The following TJP1 variants were observed in gnomAD, a reference collection of about 807,000 sequenced individuals.
TJP1 encodes tight junction protein ZO-1.
Under a neutral mutation model 194.2 loss-of-function variants are expected in TJP1, and 43 were observed. The observed-to-expected ratio is 0.22, with a 90% CI of 0.17 to 0.29. TJP1 has a LOEUF of 0.29. Ranked by LOEUF, TJP1 falls within the 10% of genes least tolerant of loss-of-function variation. TJP1 has a pLI of 1.00. For synonymous variants in TJP1, 801 were observed against 779.0 expected (o/e 1.03, Z -0.47); for missense variants, 1,971 against 2,185.7 (o/e 0.90, Z 1.96).
intron 2 of TJP1, among the ~76,000 whole-genome samples, chr15:29,948,129 G>C (rs186482108): frequency 6.6e-6 from 1 of 152,072 alleles, no homozygotes; most frequent in Non-Finnish European, 1.5e-5. Context: ...GCTGGGCATG[G>C]TGGTGCCCGC....
At chr15:29,936,356 GCTC>G (rs1372874956) in intron 2 of TJP1, among the ~76,000 whole-genome samples, 1 of 152,142 alleles carries the variant, frequency 6.6e-6, no homozygotes, top group Admixed American at 6.5e-5. Flanking sequence ...TCATCATCTA[GCTC>G]CTCTATGTTG....
At position 29,840,628 on chromosome 15, in the gene TJP1, C is replaced by G. The variant is rs945467050; in HGVS notation, c.307-39926G>C. On this transcript the variant is annotated intron_variant, in intron 2 of 28. Coordinates refer to the TJP1 transcript ENST00000356107. The stretch of plus-strand genomic sequence containing the variant: ...CTGCCCACAACACTGCCCCAGGACA[C>G]GCCTCCTGAGGCCAGGCAGCCTCCA... Among the ~76,000 whole-genome samples the G allele has an allele frequency of 1.6e-4, 25 of 152,156 alleles. 1 individual carries two copies. Among genetic ancestry groups the G allele is most frequent in the African/African-American group, 6.0e-4 (25 of 41,444 alleles).
At chr15:29,831,037 A>G (rs1340018838) in intron 2 of TJP1, among the ~76,000 whole-genome samples, 2 of 152,194 alleles carry the variant, frequency 1.3e-5, no homozygotes, top group Non-Finnish European at 2.9e-5. Context: ...TTAATTCACA[A>G]TAACAAAAAA....
At chr15:29,866,898 C>T (rs1260020780) in intron 2 of TJP1, among the ~76,000 whole-genome samples, 3 of 152,126 alleles carry the variant, frequency 2.0e-5, no homozygotes, top group Non-Finnish European at 4.4e-5. Flanking sequence ...GGGATGGCCC[C>T]CAGCACACAA....
intron 1 of TJP1, among the ~76,000 whole-genome samples, chr15:29,808,533 T>C (rs2049267768): frequency 1.3e-5 from 2 of 152,188 alleles, no homozygotes; most frequent in African/African-American, 4.8e-5. Context: ...CTGTAAGTAA[T>C]TTGACTGCAA....
At chr15:29,803,129 G>A (rs924990690) in intron 1 of TJP1, among the ~76,000 whole-genome samples, 1 of 152,110 alleles carries the variant, frequency 6.6e-6, no homozygotes, top group Non-Finnish European at 1.5e-5. Context: ...AAAGTAAAGG[G>A]ACTGTGGGTG....
chr15:29,834,865 G>C (rs535721014), intron 2 of TJP1, among the ~76,000 whole-genome samples: 1 of 152,178 alleles, frequency 6.6e-6, no homozygotes, highest in South Asian at 2.1e-4. Context: ...TTCTGAAAAG[G>C]CAACACAAAG....
In TJP1 at chr15:29,708,661, G is replaced by T. The variant is rs749943900; in HGVS notation, c.4748C>A (p.Pro1583His). Residue 1583 changes from proline to histidine, a missense_variant, in exon 25 of 28, where the codon CCT becomes CAT. Pro to His is a moderately conservative substitution (Grantham distance 77, BLOSUM62 -2). Transcript: ENST00000614355. ...TLVKSHSLAQPPEFDSGVETF... is the reference protein window; with the variant it reads ...TLVKSHSLAQHPEFDSGVETF... ...TTCAACTCCACTGTCAAACTCAGGAGGCTGTGCCAAACTGTGCGATTTCAC... is the reference window on the plus strand; with the variant it reads ...TTCAACTCCACTGTCAAACTCAGGATGCTGTGCCAAACTGTGCGATTTCAC... The T allele has an allele frequency of 1.2e-6, 2 of 1,614,104 alleles. No individual in the cohort carries two copies. Among genetic ancestry groups the T allele is most frequent in the South Asian group, 2.2e-5 (2 of 91,082 alleles).
At chr15:29,849,530 G>A (rs2051555569) in intron 2 of TJP1, among the ~76,000 whole-genome samples, 1 of 151,630 alleles carries the variant, frequency 6.6e-6, no homozygotes, top group African/African-American at 2.4e-5. Flanking sequence ...CCTGAGGTCA[G>A]CAATTTGATA....
At position 29,701,078 on chromosome 15, in the gene TJP1, C is replaced by T. The variant is rs904151584; in HGVS notation, c.*517G>A. ...TAAGTCATTGTCTTCACTTCACCCT[C>T]CCCCAGTTGTAAATCTCCTTGCTGT... is the stretch of plus-strand genomic sequence containing the variant. On this transcript the variant is annotated 3_prime_UTR_variant, in exon 28 of 28. Transcript: ENST00000614355. 6.5e-6 allele frequency: 1 copy of T among 153,580 alleles called. No homozygotes were observed. The highest frequency in any genetic ancestry group is 1.5e-5 in the Non-Finnish European group (1 of 68,676). The allele number at this position is 153,580 out of a possible 1,614,324, so 9.5% of individuals were successfully genotyped here. A position where few individuals can be genotyped will look rare whatever the true frequency, so the allele number is the denominator to read the frequency against.
intron 2 of TJP1, among the ~76,000 whole-genome samples, chr15:29,900,947 A>G (rs997474689): frequency 6.6e-6 from 1 of 152,176 alleles, no homozygotes; most frequent in Admixed American, 6.5e-5. Flanking sequence ...AGGGAAGGGA[A>G]TGATTGACTC....
intron 2 of TJP1, among the ~76,000 whole-genome samples, chr15:29,950,497 A>G (rs1007274524): frequency 1.3e-5 from 2 of 152,078 alleles, no homozygotes; most frequent in African/African-American, 4.8e-5. Context: ...CACTACCACT[A>G]CTTCTACCAC....
At chr15:29,764,457 T>A (rs948481554) in intron 5 of TJP1, among the ~76,000 whole-genome samples, 3 of 152,176 alleles carry the variant, frequency 2.0e-5, no homozygotes, top group African/African-American at 7.2e-5. Flanking sequence ...GACAGAAGTG[T>A]CACAGAGGAT....
In TJP1 at chr15:29,722,815, G is replaced by A. The variant is rs185210297; in HGVS notation, c.2413-2107C>T. On this transcript the variant is annotated intron_variant, in intron 18 of 27. Coordinates refer to ENST00000614355, the MANE Select transcript of TJP1 (RefSeq NM_001330239.4). ...GGCTACAGGGGCAGAGCTGTCCAAGGCCTTGGTAGCTCACCCCTTGCATCA... is the reference window on the plus strand; with the variant it reads ...GGCTACAGGGGCAGAGCTGTCCAAGACCTTGGTAGCTCACCCCTTGCATCA... 1.7e-3 allele frequency among the ~76,000 whole-genome samples: 262 copies of A among 152,322 alleles called. 1 individual carries two copies. The highest frequency in any genetic ancestry group is 6.0e-3 in the African/African-American group (248 of 41,576).
intron 2 of TJP1, among the ~76,000 whole-genome samples, chr15:29,890,356 A>G (rs893773948): frequency 3.9e-5 from 6 of 152,254 alleles, no homozygotes; most frequent in African/African-American, 1.4e-4. Flanking sequence ...TTAACTCTTC[A>G]TGCCACCAGT....
intron 23 of TJP1, among the ~76,000 whole-genome samples, chr15:29,715,289 G>C (rs2042494411): frequency 1.3e-5 from 2 of 152,150 alleles, no homozygotes; most frequent in South Asian, 4.1e-4. Flanking sequence ...CACAACACTA[G>C]TACAAGACAC....
chr15:29,821,751 T>G (rs1354033106), intron 1 of TJP1, among the ~76,000 whole-genome samples: 2 of 151,340 alleles, frequency 1.3e-5, no homozygotes, highest in Non-Finnish European at 2.9e-5. Flanking sequence ...GCTATGCACC[T>G]GCCCAGTACG....
At chr15:29,949,404 C>A (rs375332815) in intron 2 of TJP1, among the ~76,000 whole-genome samples, 2,283 of 117,414 alleles carry the variant, frequency 0.019, no homozygotes, top group East Asian at 0.076. Flanking sequence ...ACCACCTCCA[C>A]AACCACCACC....
intron 8 of TJP1, among the ~76,000 whole-genome samples, chr15:29,755,656 C>G (rs1302585664): frequency 6.6e-6 from 1 of 152,208 alleles, no homozygotes; most frequent in Non-Finnish European, 1.5e-5. Context: ...TTTCTCAGAA[C>G]TAACCATTTT....
Sources: gnomAD v4.1 joint callset for allele counts (sites outside exome capture counted in the v4.1 genomes callset) on GRCh38, gnomAD v4.1.1 for gene constraint, MANE v1.5 for transcripts, NCBI Gene and HGNC (gene_info 2026-07-23, HGNC 2026-07-21) for gene names.